TMEM108: variants seen among roughly 807,000 people sequenced by gnomAD.
TMEM108 encodes the protein cancer/testis antigen 124.
In TMEM108, 12 loss-of-function variants were observed where a neutral mutation model predicts 35.1. The observed-to-expected ratio is 0.34, with a 90% CI of 0.22 to 0.55. The LOEUF (loss-of-function observed/expected upper bound fraction) is 0.55. TMEM108 is among the 20% of genes least tolerant of loss of function. The pLI, the probability that TMEM108 is intolerant of heterozygous loss-of-function variation, is 0.89. For synonymous variants in TMEM108, 287 were observed against 308.6 expected (o/e 0.93, Z 0.73); for missense variants, 680 against 753.3 (o/e 0.90, Z 1.14).
chr3:133,142,811 A>G (rs1409775334), intron 2 of TMEM108, among the ~76,000 whole-genome samples: 1 of 152,192 alleles, frequency 6.6e-6, no homozygotes, highest in Admixed American at 6.5e-5. Flanking sequence ...ACTATGTTCC[A>G]AACAGTGTTC....
chr3:133,310,814 G>A (rs566833172), intron 3 of TMEM108, among the ~76,000 whole-genome samples: 18 of 152,162 alleles, frequency 1.2e-4, no homozygotes, highest in African/African-American at 3.9e-4. Flanking sequence ...TTTCTTCATA[G>A]CATCATTGGT....
At chr3:133,281,388 C>G (rs886430331) in intron 3 of TMEM108, among the ~76,000 whole-genome samples, 11 of 151,986 alleles carry the variant, frequency 7.2e-5, no homozygotes, top group Non-Finnish European at 1.6e-4. Flanking sequence ...GTGGTTTCAC[C>G]AAAAAACCAG....
chr3:133,169,535 G>A (rs1423126742), intron 2 of TMEM108, among the ~76,000 whole-genome samples: 1 of 152,218 alleles, frequency 6.6e-6, no homozygotes, highest in East Asian at 1.9e-4. Context: ...AGAGATGCTG[G>A]CTGATTCAGT....
intron 2 of TMEM108, among the ~76,000 whole-genome samples, chr3:133,071,407 A>G (rs1161570214): frequency 6.6e-6 from 1 of 152,162 alleles, no homozygotes; most frequent in Non-Finnish European, 1.5e-5. Context: ...AACACCAGTC[A>G]TATTGGTTTA....
chr3:133,370,509 G>A (rs115430490), intron 3 of TMEM108, among the ~76,000 whole-genome samples: 1 of 152,142 alleles, frequency 6.6e-6, no homozygotes, highest in Non-Finnish European at 1.5e-5. Flanking sequence ...GTTCTCTACT[G>A]TAAAGCAGGG....
At chr3:133,366,910 C>A (rs2072515405) in intron 3 of TMEM108, among the ~76,000 whole-genome samples, 1 of 152,196 alleles carries the variant, frequency 6.6e-6, no homozygotes, top group African/African-American at 2.4e-5. Flanking sequence ...GCAAATGAGA[C>A]ATCAGGTTTA....
At chr3:133,249,977 A>C (rs1436861307) in intron 3 of TMEM108, among the ~76,000 whole-genome samples, 3 of 152,164 alleles carry the variant, frequency 2.0e-5, no homozygotes, top group African/African-American at 7.2e-5. Flanking sequence ...GGGTCTCACT[A>C]TGTTGCCCAG....
intron 1 of TMEM108, among the ~76,000 whole-genome samples, chr3:133,042,867 G>A (rs1324611201): frequency 5.9e-5 from 9 of 152,196 alleles, no homozygotes; most frequent in African/African-American, 2.4e-5. Context: ...CTGCCATCAG[G>A]CCACAGAATA....
At chr3:133,384,760 T>C (rs1225646319) in intron 4 of TMEM108, among the ~76,000 whole-genome samples, 1 of 152,186 alleles carries the variant, frequency 6.6e-6, no homozygotes, top group Non-Finnish European at 1.5e-5. Context: ...CGTGTCAGTT[T>C]TGTGGCTCTG....
rs868586986 is a variant in TMEM108 at position 133,233,365 on chromosome 3, A to G, written c.40+4014A>G. On this transcript the variant is annotated intron_variant, in intron 3 of 5. Transcript: ENST00000321871. Reference sequence around the variant, plus strand: ...TCATCCATGTCCCTACAAAGGACATAAACTCATCATTTTTTATGGCTGCAT... The same window carrying G: ...TCATCCATGTCCCTACAAAGGACATGAACTCATCATTTTTTATGGCTGCAT... 2.0e-4 allele frequency among the ~76,000 whole-genome samples: 29 copies of G among 145,114 alleles called. 1 individual carries two copies. In the South Asian group the frequency reaches 3.5e-3, roughly 17 times the overall value.
At chr3:133,378,741 C>T (rs1239259660) in intron 3 of TMEM108, among the ~76,000 whole-genome samples, 1 of 151,192 alleles carries the variant, frequency 6.6e-6, no homozygotes, top group Admixed American at 6.6e-5. Context: ...TAAACATATA[C>T]GTTTTTGTCC....
chr3:133,175,252 G>T (rs1262148182), intron 2 of TMEM108, among the ~76,000 whole-genome samples: 5 of 152,196 alleles, frequency 3.3e-5, no homozygotes, highest in Non-Finnish European at 4.4e-5. Flanking sequence ...AAAACACTCT[G>T]CAGGATATTA....
intron 2 of TMEM108, among the ~76,000 whole-genome samples, chr3:133,182,109 C>A (rs1422359159): frequency 6.6e-6 from 1 of 152,168 alleles, no homozygotes; most frequent in East Asian, 1.9e-4. Flanking sequence ...ACCAAGCTGC[C>A]ATTTATCTGT....
chr3:133,179,422 A>G (rs1945293908), intron 2 of TMEM108, among the ~76,000 whole-genome samples: 2 of 152,294 alleles, frequency 1.3e-5, no homozygotes, highest in Admixed American at 1.3e-4. Flanking sequence ...CCCAACAATG[A>G]TAGACTGGAT....
chr3:133,364,540 T>G (rs1186135611), intron 3 of TMEM108, among the ~76,000 whole-genome samples: 1 of 152,052 alleles, frequency 6.6e-6, no homozygotes, highest in African/African-American at 2.4e-5. Context: ...TGTGAGAAAA[T>G]ACATAATGAC....
intron 2 of TMEM108, among the ~76,000 whole-genome samples, chr3:133,229,026 G>T (rs1452766867): frequency 6.6e-6 from 1 of 152,178 alleles, no homozygotes; most frequent in African/African-American, 2.4e-5. Context: ...ATTCTCACTA[G>T]CTACCCCTAT....
chr3:133,380,513 A>C lies in TMEM108; in HGVS notation c.802A>C (p.Thr268Pro), dbSNP rs1260720635. ...VPSNTSWAPT[T>P]TSLGPAKDKP... is the part of the protein sequence containing the mutation. Reference sequence around the variant, plus strand: ...CAGCAATACCTCATGGGCACCCACCACCACCTCCCTGGGGCCTGCAAAGGA... The same window carrying C: ...CAGCAATACCTCATGGGCACCCACCCCCACCTCCCTGGGGCCTGCAAAGGA... The change falls in exon 4 of 6, where the codon ACC (threonine) becomes CCC (proline). Residue 268 changes from threonine to proline, a missense_variant. Physicochemically the swap from Thr to Pro is conservative, Grantham distance 38. Around this residue, in one of 3 missense-constraint regions of TMEM108, gnomAD observed 526 missense variants for 532.1 expected, o/e 0.99. Transcript: ENST00000321871. This position sits in a 1 kb window ranked among gnomAD's most constrained non-coding sequence, Gnocchi z 5.3. 1 of 1,613,636 alleles carries C rather than the reference A, an allele frequency of 6.2e-7. No individual in the cohort carries two copies. The highest frequency in any genetic ancestry group is 8.5e-7 in the Non-Finnish European group (1 of 1,179,904).
chr3:133,115,790 A>G (rs1944280974), intron 2 of TMEM108, among the ~76,000 whole-genome samples: 1 of 152,224 alleles, frequency 6.6e-6, no homozygotes, highest in South Asian at 2.1e-4. Flanking sequence ...TATATCAGGT[A>G]TTTCACATAA....
intron 2 of TMEM108, among the ~76,000 whole-genome samples, chr3:133,122,804 G>A (rs555748479): frequency 9.9e-5 from 15 of 150,886 alleles, no homozygotes; most frequent in South Asian, 4.2e-4. Context: ...CAGAGCTTGC[G>A]GTGAGCTGAG....
Sources: allele counts gnomAD v4.1 joint callset (sites outside exome capture counted in the v4.1 genomes callset), GRCh38; gene constraint gnomAD v4.1.1; regional missense constraint gnomAD v4.1.1; non-coding constraint Gnocchi (gnomAD v3.1); transcripts MANE v1.5; gene names NCBI Gene and HGNC (gene_info 2026-07-23, HGNC 2026-07-21).